MAP6: variants seen among roughly 807,000 people sequenced by gnomAD.
MAP6 encodes microtubule associated protein 6, also known as microtubule-associated protein 6.
Under a neutral mutation model 42.4 loss-of-function variants are expected in MAP6, and 26 were observed. The ratio of observed to expected loss-of-function variants is 0.61; its 90% confidence interval spans 0.45 to 0.85. The LOEUF is 0.85. Among genes scored for constraint, MAP6 ranks in the 40% least tolerant of loss-of-function variants. The pLI, the probability that MAP6 is intolerant of heterozygous loss-of-function variation, is 0.00. For missense variants in MAP6, 966 were observed against 1,099.0 expected (o/e 0.88, Z 1.71); for synonymous variants, 418 against 443.8 (o/e 0.94, Z 0.73).
chr11:75,608,251 G>A lies in MAP6; in HGVS notation c.977C>T (p.Pro326Leu). ...PIKAKPQYKPPDDKMVHETSY... is the reference protein window; with the variant it reads ...PIKAKPQYKPLDDKMVHETSY... ...GGTCTCATGAACCATCTTATCATCT[G>A]GGGGCTTGTACTGGGGCTTGGCCTT... Residue 326 changes from proline to leucine, a missense_variant, in exon 2 of 4, where the codon CCA becomes CTA. By Grantham distance (98) the Pro-to-Leu change is moderately conservative. Transcript: ENST00000304771. 6.2e-7 allele frequency: 1 copy of A among 1,614,208 alleles called. No individual in the cohort carries two copies.
intron 1 of MAP6, among the ~76,000 whole-genome samples, chr11:75,622,187 T>G (rs578091236): frequency 6.6e-6 from 1 of 152,170 alleles, no homozygotes; most frequent in African/African-American, 2.4e-5. Flanking sequence ...ATTTTAAAAG[T>G]TCATTCACAA....
At chr11:75,627,069 G>T (rs562039325) in intron 1 of MAP6, among the ~76,000 whole-genome samples, 1 of 152,240 alleles carries the variant, frequency 6.6e-6, no homozygotes, top group Non-Finnish European at 1.5e-5. Context: ...TTTTGGAGCA[G>T]AGCCAAACTG....
chr11:75,629,975 A>G (rs1341430202), intron 1 of MAP6, among the ~76,000 whole-genome samples: 1 of 152,220 alleles, frequency 6.6e-6, no homozygotes, highest in African/African-American at 2.4e-5. Flanking sequence ...AACTACAGCA[A>G]AGACAAGGCT....
At chr11:75,630,946 A>T (rs1943275520) in intron 1 of MAP6, among the ~76,000 whole-genome samples, 1 of 152,238 alleles carries the variant, frequency 6.6e-6, no homozygotes, top group Non-Finnish European at 1.5e-5. Context: ...TATTTTAACA[A>T]GTTCCTTGGG....
intron 1 of MAP6, among the ~76,000 whole-genome samples, chr11:75,617,501 G>C (rs377442620): frequency 1.6e-4 from 16 of 99,772 alleles, no homozygotes; most frequent in African/African-American, 6.2e-4. Flanking sequence ...GGGCAACAGA[G>C]CAAGACTGTC....
At chr11:75,642,888 T>C in intron 1 of MAP6, 1 of 494,926 alleles carries the variant, frequency 2.0e-6, no homozygotes, top group Non-Finnish European at 4.1e-6. Context: ...CAGCATCCAG[T>C]TCATCTCAAG....
At chr11:75,619,333 CT>C (rs899013367) in intron 1 of MAP6, among the ~76,000 whole-genome samples, 27 of 152,218 alleles carry the variant, frequency 1.8e-4, no homozygotes, top group African/African-American at 6.0e-4. Context: ...AATTTTAAAT[CT>C]TTTTTTAAAA....
At chr11:75,643,108 G>A (rs758904701) in intron 1 of MAP6, among the ~76,000 whole-genome samples, 2 of 151,960 alleles carry the variant, frequency 1.3e-5, no homozygotes, top group Non-Finnish European at 2.9e-5. Flanking sequence ...ACATAATGTA[G>A]TAATAGGTAT....
Position 75,667,419 on chromosome 11 carries a change from G to A in MAP6, c.905+46C>T, listed in dbSNP as rs1202250534. 2.9e-6 allele frequency: 4 copies of A among 1,399,168 alleles called. No individual in the cohort carries two copies. The highest frequency in any genetic ancestry group is 3.7e-6 in the Non-Finnish European group (4 of 1,079,394). The allele number at this position is 1,399,168 out of a possible 1,614,324, so 86.7% of individuals were successfully genotyped here. A position where few individuals can be genotyped will look rare whatever the true frequency, so the allele number is the denominator to read the frequency against. On this transcript the variant is annotated intron_variant, in intron 1 of 3. Coordinates refer to ENST00000304771, the MANE Select transcript of MAP6 (RefSeq NM_033063.2). The surrounding 1 kb of genome is among the most constrained non-coding windows in gnomAD (Gnocchi z 5.6). ...CTGGGCCCCGGGCAGCCCGCGGGGA[G>A]GGTCTGCGTGGTGACTCCCCCGCGC...
intron 1 of MAP6, among the ~76,000 whole-genome samples, chr11:75,619,068 C>T (rs1590775620): frequency 6.6e-6 from 1 of 152,048 alleles, no homozygotes; most frequent in Admixed American, 6.6e-5. Context: ...GAGGTCCAGG[C>T]CTGGGGCCAA....
chr11:75,645,857 C>T (rs978813277), intron 1 of MAP6, among the ~76,000 whole-genome samples: 2 of 150,974 alleles, frequency 1.3e-5, no homozygotes, highest in African/African-American at 2.4e-5. Flanking sequence ...GAATGAAGCA[C>T]AAATAGATAA....
At chr11:75,652,836 G>GA (rs560714756) in intron 1 of MAP6, among the ~76,000 whole-genome samples, 7,770 of 101,152 alleles carry the variant, frequency 0.077, 260 homozygotes, top group East Asian at 0.18. Context: ...CTCCATCTCA[G>GA]AAAAAAAAAA....
intron 1 of MAP6, among the ~76,000 whole-genome samples, chr11:75,635,283 C>T (rs763027235): frequency 6.6e-6 from 1 of 152,138 alleles, no homozygotes; most frequent in South Asian, 2.1e-4. Flanking sequence ...CAGGACAGAA[C>T]GTGTCTGAGC....
intron 1 of MAP6, among the ~76,000 whole-genome samples, chr11:75,634,055 A>G (rs529324508): frequency 5.3e-5 from 8 of 152,300 alleles, no homozygotes; most frequent in African/African-American, 1.9e-4. Context: ...GATAGTCCAG[A>G]TAAAAGATTA....
chr11:75,601,086 C>T (rs1467854099), intron 3 of MAP6, among the ~76,000 whole-genome samples: 1 of 152,200 alleles, frequency 6.6e-6, no homozygotes, highest in Admixed American at 6.5e-5. Context: ...GGAAGAGCCC[C>T]TGGGGGAGCC....
chr11:75,667,575 C>T lies in MAP6; in HGVS notation c.795G>A (p.Gln265=), dbSNP rs1210289886. The change falls in exon 1 of 4, where the codon CAG becomes CAA. Residue 265 remains glutamine (Q), a synonymous_variant. Coordinates refer to ENST00000304771, the MANE Select transcript of MAP6 (RefSeq NM_033063.2). This position sits in a 1 kb window ranked among gnomAD's most constrained non-coding sequence, Gnocchi z 5.6. ...GHEQTPLPAA[Q]AQVQATGPEA... is the part of the protein sequence containing the mutation. Reference sequence around the variant, plus strand: ...CGGGGCCGGTGGCCTGGACCTGGGCCTGGGCCGCGGGCAGCGGCGTCTGCT... The same window carrying T: ...CGGGGCCGGTGGCCTGGACCTGGGCTTGGGCCGCGGGCAGCGGCGTCTGCT... 1.4e-6 allele frequency: 2 copies of T among 1,424,884 alleles called. No homozygotes were observed. The highest frequency in any genetic ancestry group is 3.1e-5 in the Admixed American group (1 of 32,656). 88.3% of individuals were successfully genotyped at this position (1,424,884 alleles called of 1,614,324 possible).
chr11:75,589,718 T>C (rs1410159472), intron 3 of MAP6, among the ~76,000 whole-genome samples: 1 of 152,210 alleles, frequency 6.6e-6, no homozygotes, highest in Non-Finnish European at 1.5e-5. Context: ...ATTTATTGGG[T>C]ATAATGATAT....
rs625702 is a variant in MAP6 at position 75,605,876 on chromosome 11, C to T, written c.1248G>A (p.Pro416=). ...QAAKKKSAEG[P]STTKPDDKEQ... ...CCTTGTCGTCTGGCTTGGTGGTACT[C>T]GGGCCCTCCGCGCTCTTTTTCTTGG... Residue 416 remains proline (P), a synonymous_variant, in exon 3 of 4, where the codon CCG becomes CCA. Transcript: ENST00000304771. 5.4e-3 allele frequency: 8,736 copies of T among 1,614,140 alleles called. 39 individuals carry two copies. The highest frequency in any genetic ancestry group is 6.2e-3 in the Non-Finnish European group (7,310 of 1,180,032).
intron 1 of MAP6, among the ~76,000 whole-genome samples, chr11:75,652,818 G>A (rs187989815): frequency 4.0e-5 from 6 of 148,752 alleles, no homozygotes; most frequent in Non-Finnish European, 5.9e-5. Context: ...TAGCCTGGGC[G>A]ATTGAGACTC....
Sources: gnomAD v4.1 joint callset for allele counts (sites outside exome capture counted in the v4.1 genomes callset) on GRCh38, gnomAD v4.1.1 for gene constraint, Gnocchi (gnomAD v3.1) non-coding constraint, MANE v1.5 for transcripts, NCBI Gene and HGNC (gene_info 2026-07-23, HGNC 2026-07-21) for gene names.